The following DCC variants were observed in gnomAD, a reference collection of about 807,000 sequenced individuals.
DCC encodes the protein DCC netrin 1 receptor.
In DCC, 58 loss-of-function variants were observed where a neutral mutation model predicts 172.5. The ratio of observed to expected loss-of-function variants is 0.34; its 90% CI spans 0.27 to 0.42. The LOEUF is 0.42. Among genes scored for constraint, DCC ranks in the 10% least tolerant of loss-of-function variants. DCC has a pLI of 1.00. For synonymous variants in DCC, 709 were observed against 644.5 expected (o/e 1.10, Z -1.52); for missense variants, 1,740 against 1,791.0 (o/e 0.97, Z 0.51).
chr18:52,694,606 C>A (rs1027647665), intron 1 of DCC, among the ~76,000 whole-genome samples: 1 of 151,842 alleles, frequency 6.6e-6, no homozygotes, highest in Non-Finnish European at 1.5e-5. Context: ...TTTTTACATT[C>A]TTAAAAATAT....
At chr18:52,586,448 T>G (rs116520724) in intron 1 of DCC, among the ~76,000 whole-genome samples, 2,469 of 152,184 alleles carry the variant, frequency 0.016, 74 homozygotes, top group African/African-American at 0.057. Flanking sequence ...CACCCAACAC[T>G]GCAACTCCCT....
At chr18:53,173,375 A>T (rs1598874221) in intron 8 of DCC, among the ~76,000 whole-genome samples, 1 of 152,156 alleles carries the variant, frequency 6.6e-6, no homozygotes, top group East Asian at 1.9e-4. Flanking sequence ...CTATTGTGGT[A>T]AAACATATCT....
At chr18:52,592,043 G>A (rs2033812789) in intron 1 of DCC, among the ~76,000 whole-genome samples, 1 of 152,074 alleles carries the variant, frequency 6.6e-6, no homozygotes, top group Non-Finnish European at 1.5e-5. Context: ...AGAAATGGAA[G>A]TACCTTTTCA....
chr18:52,969,901 T>A lies in DCC; in HGVS notation c.985+44531T>A, dbSNP rs576010135. ...ATTCAATAAGTATTTGTTGTACGAA[T>A]GAGAGAATGATAGAGATCATTTTTA... On this transcript the variant is annotated intron_variant, in intron 5 of 28. Transcript: ENST00000442544. 9.2e-5 allele frequency among the ~76,000 whole-genome samples: 14 copies of A among 152,220 alleles called. No homozygotes were observed. In the East Asian group the frequency reaches 2.7e-3, roughly 29 times the overall value.
chr18:52,374,950 C>G (rs149334338), intron 1 of DCC, among the ~76,000 whole-genome samples: 1 of 152,330 alleles, frequency 6.6e-6, no homozygotes, highest in African/African-American at 2.4e-5. Context: ...CCATTGACCT[C>G]TGTCCAATGC....
At chr18:53,511,702 C>T (rs575573390) in intron 27 of DCC, among the ~76,000 whole-genome samples, 280 of 152,276 alleles carry the variant, frequency 1.8e-3, no homozygotes, top group Admixed American at 3.0e-3. Context: ...GGGTGACGGA[C>T]GGCACCTGGA....
chr18:53,179,215 G>A (rs2055156606), intron 9 of DCC, 99 bp downstream of exon 9: 28 of 1,226,626 alleles, frequency 2.3e-5, no homozygotes, highest in South Asian at 6.5e-5. Context: ...TGACAAAAGC[G>A]AAGAAGAGTT....
chr18:53,116,792 C>G (rs1421331741), intron 7 of DCC, among the ~76,000 whole-genome samples: 4 of 151,630 alleles, frequency 2.6e-5, no homozygotes, highest in Non-Finnish European at 4.4e-5. Flanking sequence ...CTCACCTTTT[C>G]TTGATATATA....
intron 21 of DCC, among the ~76,000 whole-genome samples, chr18:53,426,341 AT>A (rs1910947541): frequency 6.9e-6 from 1 of 144,550 alleles, no homozygotes; most frequent in Admixed American, 7.1e-5. Context: ...TATGATATAT[AT>A]TTATAATATA....
rs181560722 is a variant in DCC at position 53,441,841 on chromosome 18, C to T, written c.3229+6632C>T. Among the ~76,000 whole-genome samples, 623 of 152,156 alleles carry T rather than the reference C, an allele frequency of 4.1e-3. 1 individual carries two copies. Among genetic ancestry groups the T allele is most frequent in the Non-Finnish European group, 6.6e-3 (449 of 67,992 alleles). The stretch of plus-strand genomic sequence containing the variant: ...CGTCTGTTTCTGGCTTGCTGAAACC[C>T]GTTAGAGGGTCTGTGATTGCATTTA... On this transcript the variant is annotated intron_variant, in intron 22 of 28. Coordinates refer to ENST00000442544, the MANE Select transcript of DCC (RefSeq NM_005215.4).
chr18:52,623,155 G>T (rs923270512), intron 1 of DCC, among the ~76,000 whole-genome samples: 1 of 152,148 alleles, frequency 6.6e-6, no homozygotes, highest in African/African-American at 2.4e-5. Flanking sequence ...GAGTTGAGTA[G>T]TTGCAACCAA....
chr18:52,590,374 G>A (rs2144795868), intron 1 of DCC, among the ~76,000 whole-genome samples: 1 of 152,216 alleles, frequency 6.6e-6, no homozygotes, highest in East Asian at 1.9e-4. Flanking sequence ...TTTGGCTACT[G>A]AATATACGCT....
Position 53,179,047 on chromosome 18 carries a change from G to A in DCC, c.1504G>A (p.Val502Ile), listed in dbSNP as rs550253829. 3.6e-5 allele frequency: 58 copies of A among 1,614,040 alleles called. 1 individual carries two copies. In the South Asian group the frequency reaches 6.1e-4, roughly 17 times the overall value. ...GCCAGAAGCCATGTACACCTTTCGAGTTGTGGCTTACAATGAATGGGGACC... is the reference window on the plus strand; with the variant it reads ...GCCAGAAGCCATGTACACCTTTCGAATTGTGGCTTACAATGAATGGGGACC... ...LKPEAMYTFR[V>I]VAYNEWGPGE... The change falls in exon 9 of 29, where the codon GTT (valine) becomes ATT (isoleucine). Residue 502 changes from valine (V) to isoleucine (I), a missense_variant. Physicochemically the swap from Val to Ile is conservative, Grantham distance 29. Coordinates refer to ENST00000442544, the MANE Select transcript of DCC (RefSeq NM_005215.4).
intron 1 of DCC, among the ~76,000 whole-genome samples, chr18:52,616,603 A>G (rs1743884849): frequency 6.6e-6 from 1 of 152,174 alleles, no homozygotes; most frequent in East Asian, 1.9e-4. Flanking sequence ...GTATCAATGA[A>G]CAAGTATTTA....
intron 7 of DCC, among the ~76,000 whole-genome samples, chr18:53,102,086 C>G (rs374213917): frequency 6.6e-6 from 1 of 152,050 alleles, no homozygotes; most frequent in Admixed American, 6.6e-5. Context: ...TCAGTAGAGG[C>G]CATGCTCATT....
chr18:53,082,537 A>C (rs185143177), intron 7 of DCC, among the ~76,000 whole-genome samples: 30 of 152,252 alleles, frequency 2.0e-4, no homozygotes, highest in Non-Finnish European at 3.5e-4. Flanking sequence ...AATTAAAATA[A>C]ATATATGAAG....
chr18:53,417,456 A>AAC (rs1431962023), intron 21 of DCC, among the ~76,000 whole-genome samples: 9 of 152,088 alleles, frequency 5.9e-5, no homozygotes, highest in Non-Finnish European at 1.3e-4. Flanking sequence ...ATTTGTAAAA[A>AAC]ATATTAATGA....
Position 53,305,658 on chromosome 18 carries a change from G to T in DCC, c.1992G>T (p.Lys664Asn). 1 of 1,614,048 alleles carries T rather than the reference G, an allele frequency of 6.2e-7. No homozygotes were observed. Among genetic ancestry groups the T allele is most frequent in the South Asian group, 1.1e-5 (1 of 91,082 alleles). Residue 664 changes from lysine (K) to asparagine (N), a missense_variant, in exon 13 of 29, where the codon AAG becomes AAT. Lys to Asn is a moderately conservative substitution (Grantham distance 94). Transcript: ENST00000442544. ...FITGYKIRHR[K>N]TTRRGEMETL... ...CCGGCTATAAAATTCGACACAGAAA[G>T]ACGACCCGCAGGGGTGAGATGGAAA...
At chr18:52,949,305 C>T (rs1034715780) in intron 5 of DCC, among the ~76,000 whole-genome samples, 3 of 152,188 alleles carry the variant, frequency 2.0e-5, no homozygotes, top group Admixed American at 6.5e-5. Flanking sequence ...AGGACCCAGC[C>T]GGAAAGCAAA....
Sources: gnomAD v4.1 joint callset for allele counts (sites outside exome capture counted in the v4.1 genomes callset) on GRCh38, gnomAD v4.1.1 for gene constraint, MANE v1.5 for transcripts, NCBI Gene and HGNC (gene_info 2026-07-23, HGNC 2026-07-21) for gene names.